IMMP2L: variants seen among roughly 807,000 people sequenced by gnomAD.
The protein encoded by IMMP2L is mitochondrial inner membrane protease subunit 2.
In IMMP2L, 18 loss-of-function variants were observed where a neutral mutation model predicts 19.3. The observed-to-expected ratio is 0.93, with a 90% CI of 0.64 to 1.38. The LOEUF is 1.38. Among genes scored for constraint, IMMP2L ranks in the 40% most tolerant of loss-of-function variants. The pLI, the probability that IMMP2L is intolerant of heterozygous loss-of-function variation, is 0.00. For missense variants in IMMP2L, 233 were observed against 218.2 expected, an observed-to-expected ratio of 1.07 and a Z score of -0.43; for synonymous variants, 76 against 73.0, an observed-to-expected ratio of 1.04 and a Z score of -0.21.
intron 3 of IMMP2L, among the ~76,000 whole-genome samples, chr7:111,469,381 C>T (rs973124052): frequency 6.6e-6 from 1 of 152,018 alleles, no homozygotes; most frequent in African/African-American, 2.4e-5. Flanking sequence ...TTCTTCCTAC[C>T]CATGAGCATG....
intron 3 of IMMP2L, among the ~76,000 whole-genome samples, chr7:111,304,787 T>C (rs184409546): frequency 1.3e-5 from 2 of 150,756 alleles, no homozygotes; most frequent in East Asian, 2.0e-4. Context: ...GACCCACATG[T>C]TACTTTAAAA....
intron 2 of IMMP2L, among the ~76,000 whole-genome samples, chr7:111,502,510 AAT>A (rs1184719740): frequency 6.6e-6 from 1 of 152,122 alleles, no homozygotes; most frequent in African/African-American, 2.4e-5. Context: ...AAATCAACAG[AAT>A]ATACATTTTT....
intron 3 of IMMP2L, among the ~76,000 whole-genome samples, chr7:110,992,621 T>C (rs559677324): frequency 2.6e-5 from 4 of 151,702 alleles, no homozygotes; most frequent in Non-Finnish European, 5.9e-5. Flanking sequence ...GCAAAATATT[T>C]ATATAAATAT....
In IMMP2L at chr7:111,124,847, C is replaced by A. The variant is rs1562824422; in HGVS notation, c.240-161282G>T. On this transcript the variant is annotated intron_variant, in intron 3 of 5. Coordinates refer to ENST00000405709, the MANE Select transcript of IMMP2L (RefSeq NM_032549.4). Reference sequence around the variant, plus strand: ...TGGGAAGCAGGAAAAGAAAAAAGTACATCACTGAAAGTAAAAGCAACTGTT... The same window carrying A: ...TGGGAAGCAGGAAAAGAAAAAAGTAAATCACTGAAAGTAAAAGCAACTGTT... 2 of 1,598,622 alleles carry A rather than the reference C, an allele frequency of 1.3e-6. No individual in the cohort carries two copies. The highest frequency in any genetic ancestry group is 1.1e-5 in the South Asian group (1 of 90,700).
chr7:110,700,494 T>C (rs936765848), intron 5 of IMMP2L, among the ~76,000 whole-genome samples: 3 of 152,212 alleles, frequency 2.0e-5, no homozygotes, highest in African/African-American at 7.2e-5. Context: ...CTCACAAAGA[T>C]TGGCACAAAT....
intron 3 of IMMP2L, among the ~76,000 whole-genome samples, chr7:110,972,557 A>G (rs1820255511): frequency 6.6e-6 from 1 of 152,100 alleles, no homozygotes. Context: ...CTGAGAATAA[A>G]TATCTTTTGG....
At chr7:111,329,655 A>G (rs1441953789) in intron 3 of IMMP2L, among the ~76,000 whole-genome samples, 2 of 151,924 alleles carry the variant, frequency 1.3e-5, no homozygotes, top group East Asian at 1.9e-4. Flanking sequence ...CTTTGGAGAG[A>G]AAAGACAGCT....
intron 3 of IMMP2L, among the ~76,000 whole-genome samples, chr7:111,373,489 G>T (rs1302771286): frequency 2.6e-5 from 4 of 152,084 alleles, no homozygotes; most frequent in African/African-American, 7.2e-5. Context: ...AGGCCATGCA[G>T]TTAGGATCCT....
intron 3 of IMMP2L, among the ~76,000 whole-genome samples, chr7:111,467,764 A>T (rs1840820507): frequency 6.6e-6 from 1 of 152,288 alleles, no homozygotes; most frequent in South Asian, 2.1e-4. Flanking sequence ...TTAAGTATTT[A>T]AACAAACACT....
rs948910476 is a variant in IMMP2L, at chr7:110,728,394, G to A, written c.409-64673C>T. On this transcript the variant is annotated intron_variant, in intron 5 of 5. Transcript: ENST00000405709. The surrounding 1 kb of genome is among the most constrained non-coding windows in gnomAD (Gnocchi z 4.6). ...TGTGCCTGTAAACCCAGCTACTCGG[G>A]AGGCTGAGGCACGAGAATCGCTTGA... Among the ~76,000 whole-genome samples the A allele has an allele frequency of 2.6e-5, 4 of 152,174 alleles. No homozygotes were observed. In the South Asian group the frequency reaches 8.3e-4, roughly 32 times the overall value.
At chr7:111,240,121 A>C (rs1458768984) in intron 3 of IMMP2L, among the ~76,000 whole-genome samples, 2 of 151,908 alleles carry the variant, frequency 1.3e-5, no homozygotes, top group Non-Finnish European at 2.9e-5. Context: ...CTCTTAAGGA[A>C]ACAAAGGGTA....
At chr7:111,118,045 A>T (rs1586390528) in intron 3 of IMMP2L, among the ~76,000 whole-genome samples, 2 of 152,248 alleles carry the variant, frequency 1.3e-5, no homozygotes, top group Admixed American at 1.3e-4. Context: ...AAGACCACAG[A>T]ACATTCATGT....
At chr7:111,107,094 T>C (rs562705329) in intron 3 of IMMP2L, among the ~76,000 whole-genome samples, 1 of 152,052 alleles carries the variant, frequency 6.6e-6, no homozygotes, top group South Asian at 2.1e-4. Context: ...TGCTCATGAA[T>C]AGACAATACT....
intron 1 of IMMP2L, among the ~76,000 whole-genome samples, chr7:111,560,246 CT>C (rs1169914836): frequency 7.9e-5 from 12 of 151,966 alleles, no homozygotes; most frequent in African/African-American, 2.4e-4. Context: ...TTTTTTTTGA[CT>C]TTTTATTACT....
At chr7:110,701,668 G>A (rs1022936118) in intron 5 of IMMP2L, among the ~76,000 whole-genome samples, 6 of 152,002 alleles carry the variant, frequency 3.9e-5, no homozygotes, top group African/African-American at 9.7e-5. Flanking sequence ...CAGGTGATCC[G>A]CCTGCCTTGG....
At chr7:111,141,461 G>A (rs1468061548) in intron 3 of IMMP2L, among the ~76,000 whole-genome samples, 1 of 143,146 alleles carries the variant, frequency 7.0e-6, no homozygotes, top group Non-Finnish European at 1.5e-5. Flanking sequence ...GTATAATTTT[G>A]TATTCCCTAC....
chr7:111,020,754 C>T (rs1372105382), intron 3 of IMMP2L, among the ~76,000 whole-genome samples: 3 of 151,650 alleles, frequency 2.0e-5, no homozygotes, highest in African/African-American at 7.3e-5. Flanking sequence ...AGAATAAGAC[C>T]CTGTCTCAAA....
intron 3 of IMMP2L, among the ~76,000 whole-genome samples, chr7:111,311,559 T>C (rs1823518306): frequency 6.6e-6 from 1 of 152,130 alleles, no homozygotes; most frequent in Admixed American, 6.6e-5. Context: ...GAAAGATTTT[T>C]GGTATGTATT....
intron 5 of IMMP2L, among the ~76,000 whole-genome samples, chr7:110,825,145 C>G (rs193127453): frequency 6.6e-6 from 1 of 152,090 alleles, no homozygotes. Flanking sequence ...TGAAGGACCT[C>G]CTCAAGGAGA....
Sources: gnomAD v4.1 joint callset for allele counts (sites outside exome capture counted in the v4.1 genomes callset) on GRCh38, gnomAD v4.1.1 for gene constraint, Gnocchi (gnomAD v3.1) non-coding constraint, MANE v1.5 for transcripts, NCBI Gene and HGNC (gene_info 2026-07-23, HGNC 2026-07-21) for gene names.